ZNF354B: variants seen among roughly 807,000 people sequenced by gnomAD.
ZNF354B encodes the protein zinc finger protein 354B.
Under a neutral mutation model 12.9 loss-of-function variants are expected in ZNF354B, and 10 were observed. The ratio of observed to expected loss-of-function variants is 0.77; its 90% confidence interval spans 0.48 to 1.31. The LOEUF is 1.31. Among genes scored for constraint, ZNF354B ranks in the 40% most tolerant of loss-of-function variants. ZNF354B has a pLI of 0.00. For missense variants in ZNF354B, 614 were observed against 711.7 expected, an observed-to-expected ratio of 0.86 and a Z score of 1.56; for synonymous variants, 260 against 243.7, an observed-to-expected ratio of 1.07 and a Z score of -0.62.
intron 4 of ZNF354B, 72 bp downstream of exon 4, chr5:178,867,143 A>ATTGG: frequency 7.1e-7 from 1 of 1,406,620 alleles, no homozygotes; most frequent in Non-Finnish European, 1.0e-6. Context: ...AGGTAGGAAC[A>ATTGG]TTGGTTGGGA....
intron 2 of ZNF354B, 140 bp downstream of exon 2, chr5:178,861,220 A>C (rs1450934711): frequency 2.6e-6 from 3 of 1,145,404 alleles, no homozygotes; most frequent in Non-Finnish European, 3.9e-6. Context: ...TGACTGGTGG[A>C]TTCTGTAGGG....
chr5:178,873,110 G>A (rs745595858), intron 4 of ZNF354B, among the ~76,000 whole-genome samples: 9 of 152,126 alleles, frequency 5.9e-5, no homozygotes, highest in Non-Finnish European at 1.0e-4. Flanking sequence ...TTAATAAAAT[G>A]TCTGGGTATT....
Position 178,883,701 on chromosome 5 carries a change from A to T in ZNF354B, c.1249A>T (p.Lys417Ter). ...EKPYRCNECG[K>*]GFTSISRLNR... Reference sequence around the variant, plus strand: ...GCCCTATAGATGCAATGAATGTGGGAAAGGCTTTACTTCTATTTCACGACT... The same window carrying T: ...GCCCTATAGATGCAATGAATGTGGGTAAGGCTTTACTTCTATTTCACGACT... The change falls in exon 5 of 5, where the codon AAA becomes TAA. Residue 417 changes from lysine (K) to a stop codon, truncating the protein, a stop_gained. Coordinates refer to ENST00000322434, the MANE Select transcript of ZNF354B (RefSeq NM_058230.3). LOFTEE classifies it high-confidence loss of function. 6.2e-7 allele frequency: 1 copy of T among 1,614,150 alleles called. No homozygotes were observed. Among genetic ancestry groups the T allele is most frequent in the Non-Finnish European group, 8.5e-7 (1 of 1,179,996 alleles).
intron 4 of ZNF354B, among the ~76,000 whole-genome samples, chr5:178,867,510 G>C (rs907078471): frequency 7.9e-5 from 12 of 152,144 alleles, no homozygotes; most frequent in Non-Finnish European, 1.3e-4. Flanking sequence ...GGAAGGATTT[G>C]GGCAGGAATC....
At chr5:178,877,892 G>A (rs1343343908) in intron 4 of ZNF354B, among the ~76,000 whole-genome samples, 1 of 152,190 alleles carries the variant, frequency 6.6e-6, no homozygotes, top group Non-Finnish European at 1.5e-5. Flanking sequence ...AGTTGTCTAG[G>A]TGGATAGATA....
rs138302259 is a variant in ZNF354B at position 178,883,954 on chromosome 5, A to G, written c.1502A>G (p.Lys501Arg). ...ERPYKCNECD[K>R]TFRCNSSLSN... ...CCCTATAAGTGTAACGAATGTGACA[A>G]AACATTCAGGTGTAACTCATCGCTT... Residue 501 changes from lysine to arginine, a missense_variant, in exon 5 of 5, where the codon AAA (lysine) becomes AGA (arginine). Coordinates refer to ENST00000322434, the MANE Select transcript of ZNF354B (RefSeq NM_058230.3). The G allele has an allele frequency of 6.8e-6, 11 of 1,614,150 alleles. No homozygotes were observed. The highest frequency in any genetic ancestry group is 1.3e-5 in the African/African-American group (1 of 75,054).
intron 2 of ZNF354B, among the ~76,000 whole-genome samples, chr5:178,866,016 T>C (rs1374263066): frequency 2.0e-5 from 3 of 152,238 alleles, no homozygotes; most frequent in African/African-American, 7.2e-5. Flanking sequence ...CTAATGGCCG[T>C]AATTCCTCTA....
At position 178,884,217 on chromosome 5, in the gene ZNF354B, C is replaced by T. The variant is rs1459258230; in HGVS notation, c.1765C>T (p.Gln589Ter). 2 of 1,613,754 alleles carry T rather than the reference C, an allele frequency of 1.2e-6. No homozygotes were observed. Among genetic ancestry groups the T allele is most frequent in the Non-Finnish European group, 1.7e-6 (2 of 1,179,816 alleles). Reference protein sequence around the residue: ...ECNACGKLFSQRSSLTNHYKI... With the variant: ...ECNACGKLFS ...TAATGCATGTGGGAAACTCTTTAGC[C>T]AGAGGTCATCCCTTACTAATCATTA... is the stretch of plus-strand genomic sequence containing the variant. The change falls in exon 5 of 5, where the codon CAG (glutamine) becomes TAG (stop). Residue 589 changes from glutamine to a stop codon, truncating the protein, a stop_gained. Coordinates refer to ENST00000322434, the MANE Select transcript of ZNF354B (RefSeq NM_058230.3). LOFTEE classifies it low-confidence loss of function (END_TRUNC).
Position 178,880,592 on chromosome 5 carries a change from C to A in ZNF354B, c.257-2117C>A, listed in dbSNP as rs565654436. Among the ~76,000 whole-genome samples, 397 of 151,700 alleles carry A rather than the reference C, an allele frequency of 2.6e-3. 1 individual carries two copies. The highest frequency in any genetic ancestry group is 4.2e-3 in the Non-Finnish European group (286 of 67,960). On this transcript the variant is annotated intron_variant, in intron 4 of 4. Transcript: ENST00000322434. ...ATGGCTTATTGTAGCCTCCTGGGCT[C>A]AAGTGATCCTCCTGCCTCAGCCTTT...
intron 2 of ZNF354B, among the ~76,000 whole-genome samples, chr5:178,862,068 C>T (rs1757356827): frequency 6.6e-6 from 1 of 152,112 alleles, no homozygotes; most frequent in South Asian, 2.1e-4. Context: ...CGATGTTATC[C>T]TTTATTCATT....
chr5:178,883,543 A>G lies in ZNF354B; in HGVS notation c.1091A>G (p.Lys364Arg). ...YLCNECGNTF[K>R]SSSSLRYHQR... Reference sequence around the variant, plus strand: ...TGTAATGAATGTGGCAACACCTTTAAGTCTAGCTCATCCCTTCGTTATCAT... The same window carrying G: ...TGTAATGAATGTGGCAACACCTTTAGGTCTAGCTCATCCCTTCGTTATCAT... The change falls in exon 5 of 5, where the codon AAG (lysine) becomes AGG (arginine). Residue 364 changes from lysine (K) to arginine (R), a missense_variant. Lys to Arg is a conservative substitution (Grantham distance 26, BLOSUM62 2). Coordinates refer to ENST00000322434, the MANE Select transcript of ZNF354B (RefSeq NM_058230.3). 2 of 1,614,084 alleles carry G rather than the reference A, an allele frequency of 1.2e-6. No individual in the cohort carries two copies. The highest frequency in any genetic ancestry group is 1.7e-6 in the Non-Finnish European group (2 of 1,179,976).
intron 4 of ZNF354B, among the ~76,000 whole-genome samples, chr5:178,871,186 C>G (rs753323332): frequency 6.6e-6 from 1 of 152,170 alleles, no homozygotes; most frequent in Non-Finnish European, 1.5e-5. Flanking sequence ...CTTCAGAGAC[C>G]TACATGGTCT....
rs1220553233 is a variant in ZNF354B at position 178,860,215 on chromosome 5, G to C, written c.-52+88G>C. 2.6e-5 allele frequency: 4 copies of C among 152,198 alleles called. No homozygotes were observed. In the South Asian group the frequency reaches 8.3e-4, roughly 32 times the overall value. The allele number at this position is 152,198 out of a possible 1,614,324, so 9.4% of individuals were successfully genotyped here. On this transcript the variant is annotated intron_variant, in intron 1 of 4. Coordinates refer to ENST00000322434, the MANE Select transcript of ZNF354B (RefSeq NM_058230.3). ...CGCGGGGCTCCGAGGGCCTCTGTGG[G>C]CGCGGGGGGGCACCCCCGCGTCTGT... is the stretch of plus-strand genomic sequence containing the variant.
intron 4 of ZNF354B, among the ~76,000 whole-genome samples, chr5:178,873,757 T>C (rs1757595923): frequency 1.3e-5 from 2 of 152,220 alleles, no homozygotes; most frequent in Non-Finnish European, 2.9e-5. Flanking sequence ...TGTATGAATT[T>C]TAGAATAATC....
At chr5:178,864,527 A>G (rs973840024) in intron 2 of ZNF354B, among the ~76,000 whole-genome samples, 2 of 152,216 alleles carry the variant, frequency 1.3e-5, no homozygotes, top group Non-Finnish European at 2.9e-5. Flanking sequence ...TTTCATATGT[A>G]CAATAGAAAA....
chr5:178,861,586 T>G (rs913467175), intron 2 of ZNF354B, among the ~76,000 whole-genome samples: 3 of 152,196 alleles, frequency 2.0e-5, no homozygotes, highest in Non-Finnish European at 4.4e-5. Flanking sequence ...TTCATTTTTG[T>G]GTAGTGGGAA....
At chr5:178,871,449 C>T (rs1401088049) in intron 4 of ZNF354B, among the ~76,000 whole-genome samples, 1 of 152,248 alleles carries the variant, frequency 6.6e-6, no homozygotes, top group East Asian at 1.9e-4. Context: ...CCTGCAGCCC[C>T]CACGCCATCT....
In ZNF354B at chr5:178,883,365, A is replaced by G; in HGVS notation, c.913A>G (p.Lys305Glu). ...EKCYRCKECG[K>E]SFSRRSGLFI... ...ATGCTATAGATGTAAAGAATGTGGT[A>G]AATCCTTCAGTCGAAGGTCTGGGCT... The change falls in exon 5 of 5, where the codon AAA becomes GAA. Residue 305 changes from lysine (K) to glutamate (E), a missense_variant. By Grantham distance (56) the Lys-to-Glu change is moderately conservative. Transcript: ENST00000322434. The G allele has an allele frequency of 6.2e-7, 1 of 1,614,154 alleles. No homozygotes were observed. Among genetic ancestry groups the G allele is most frequent in the Non-Finnish European group, 8.5e-7 (1 of 1,179,990 alleles).
At chr5:178,864,786 C>A (rs1467266686) in intron 2 of ZNF354B, among the ~76,000 whole-genome samples, 1 of 151,958 alleles carries the variant, frequency 6.6e-6, no homozygotes, top group African/African-American at 2.4e-5. Flanking sequence ...CCACGCCCGG[C>A]TAATTTTTTG....
Sources: gnomAD v4.1 joint callset for allele counts (sites outside exome capture counted in the v4.1 genomes callset) on GRCh38, gnomAD v4.1.1 for gene constraint, MANE v1.5 for transcripts, NCBI Gene and HGNC (gene_info 2026-07-23, HGNC 2026-07-21) for gene names.